SYCP2: variants seen among roughly 807,000 people sequenced by gnomAD.
SYCP2 encodes synaptonemal complex protein 2.
Under a neutral mutation model 211.3 loss-of-function variants are expected in SYCP2, and 55 were observed. The observed-to-expected ratio is 0.26, with a 90% CI of 0.21 to 0.33. The LOEUF is 0.33. Ranked by LOEUF, SYCP2 falls within the 10% of genes least tolerant of loss-of-function variation. SYCP2 has a pLI of 1.00. For synonymous variants in SYCP2, 570 were observed against 555.2 expected (o/e 1.03, Z -0.37); for missense variants, 1,731 against 1,752.0 (o/e 0.99, Z 0.21).
intron 8 of SYCP2, among the ~76,000 whole-genome samples, chr20:59,916,118 A>G (rs895026040): frequency 6.6e-6 from 1 of 152,196 alleles, no homozygotes; most frequent in African/African-American, 2.4e-5. Flanking sequence ...TAAAACTTGT[A>G]TTTATTTTAA....
chr20:59,868,857 G>A lies in SYCP2; in HGVS notation c.3810C>T (p.Pro1270=), dbSNP rs1251350036. 4 of 1,609,722 alleles carry A rather than the reference G, an allele frequency of 2.5e-6. No individual in the cohort carries two copies. The South Asian group carries it at 4.4e-5, about 18-fold the overall frequency. The change falls in exon 37 of 45, where the codon CCC becomes CCT. Residue 1270 remains proline (P), a synonymous_variant. Coordinates refer to ENST00000357552, the MANE Select transcript of SYCP2 (RefSeq NM_014258.4). ...AACCTGATACATGAGTAGCATCACA[G>A]GGCATGTCAAACCACGTTTTCTCTC... ...EGREKTWFDM[P]CDATHVSGPT...
chr20:59,885,194 T>A (rs761860064), intron 26 of SYCP2: 1 of 152,018 alleles, frequency 6.6e-6, no homozygotes, highest in Non-Finnish European at 1.5e-5. Flanking sequence ...AGTGAGCCAG[T>A]CTATGTTTCC....
intron 35 of SYCP2, among the ~76,000 whole-genome samples, chr20:59,872,366 C>T (rs1402041892): frequency 6.6e-6 from 1 of 151,896 alleles, no homozygotes; most frequent in African/African-American, 2.4e-5. Context: ...GCCTGTTAGT[C>T]AAGTAATAGC....
At chr20:59,926,738 GA>G (rs1211686120) in intron 2 of SYCP2, among the ~76,000 whole-genome samples, 2 of 152,048 alleles carry the variant, frequency 1.3e-5, no homozygotes, top group African/African-American at 4.8e-5. Context: ...ATTCAAAGAA[GA>G]AATAAAAGTT....
intron 16 of SYCP2, among the ~76,000 whole-genome samples, chr20:59,901,123 C>A (rs1364829339): frequency 6.6e-6 from 1 of 152,062 alleles, no homozygotes; most frequent in Non-Finnish European, 1.5e-5. Flanking sequence ...CAAAACATCA[C>A]ATGAATTGTC....
intron 7 of SYCP2, among the ~76,000 whole-genome samples, chr20:59,918,167 T>C (rs529044667): frequency 2.0e-5 from 3 of 152,212 alleles, no homozygotes; most frequent in Non-Finnish European, 4.4e-5. Flanking sequence ...ACAAGAGCTG[T>C]CCTCAACCTT....
At chr20:59,890,052 T>C (rs564442266) in intron 24 of SYCP2, among the ~76,000 whole-genome samples, 16 of 152,330 alleles carry the variant, frequency 1.1e-4, no homozygotes, top group African/African-American at 3.8e-4. Flanking sequence ...TTACTGGGTA[T>C]ATACCCAAAG....
chr20:59,900,772 T>G lies in SYCP2; in HGVS notation c.1229A>C (p.His410Pro). The G allele has an allele frequency of 6.2e-7, 1 of 1,612,994 alleles. No homozygotes were observed. The highest frequency in any genetic ancestry group is 8.5e-7 in the Non-Finnish European group (1 of 1,179,308). ...QGISVAKTSL[H>P]ILFDASGSQI... ...TGATCCACTTGCGTCAAAAAGTATA[T>G]GCAGCGACGTTTTGGCAACTGAAAT... Residue 410 changes from histidine to proline, a missense_variant, in exon 17 of 45, where the codon CAT becomes CCT. Coordinates refer to ENST00000357552, the MANE Select transcript of SYCP2 (RefSeq NM_014258.4).
Position 59,922,420 on chromosome 20 carries a change from T to G in SYCP2, c.-7A>C, listed in dbSNP as rs1473702774. 2 of 1,556,190 alleles carry G rather than the reference T, an allele frequency of 1.3e-6. No homozygotes were observed. Among genetic ancestry groups the G allele is most frequent in the African/African-American group, 1.4e-5 (1 of 70,548 alleles). ...GATCTGGTCTTATTGGCATTTTGAC[T>G]TCATTTAAAAAAAAAAAAAAAGCAA... On this transcript the variant is annotated 5_prime_UTR_variant, in exon 3 of 45. Coordinates refer to ENST00000357552, the MANE Select transcript of SYCP2 (RefSeq NM_014258.4).
chr20:59,927,154 G>C (rs1002044478), intron 2 of SYCP2, among the ~76,000 whole-genome samples: 1 of 152,042 alleles, frequency 6.6e-6, no homozygotes, highest in African/African-American at 2.4e-5. Context: ...ATGTGTCTTT[G>C]GGACTTAAAA....
rs573934709 is a variant in SYCP2, at chr20:59,891,638, G to C, written c.2364+352C>G. Among the ~76,000 whole-genome samples, 3 of 151,148 alleles carry C rather than the reference G, an allele frequency of 2.0e-5. No individual in the cohort carries two copies. In the South Asian group the frequency reaches 6.2e-4, roughly 31 times the overall value. On this transcript the variant is annotated intron_variant, in intron 24 of 44. Transcript: ENST00000357552. Reference sequence around the variant, plus strand: ...AAAACAGTCTATGGTTACAGTCAAAGAGAGAAAAAAAAACCATTTATTAAA... The same window carrying C: ...AAAACAGTCTATGGTTACAGTCAAACAGAGAAAAAAAAACCATTTATTAAA...
At chr20:59,875,750 A>G (rs2059542241) in intron 33 of SYCP2, among the ~76,000 whole-genome samples, 1 of 152,152 alleles carries the variant, frequency 6.6e-6, no homozygotes, top group Non-Finnish European at 1.5e-5. Context: ...AAAATTAGAA[A>G]GCATTCCTAA....
intron 33 of SYCP2, among the ~76,000 whole-genome samples, chr20:59,876,693 A>C (rs543662987): frequency 6.6e-6 from 1 of 152,156 alleles, no homozygotes; most frequent in Non-Finnish European, 1.5e-5. Flanking sequence ...AGTACTTATG[A>C]GATTTTTAGA....
Position 59,914,215 on chromosome 20 carries a change from C to T in SYCP2, c.671G>A (p.Cys224Tyr). ...DLQVGIVEALCRMTTEKQRQE... is the reference protein window; with the variant it reads ...DLQVGIVEALYRMTTEKQRQE... ...TCTTTGTTTTTCTGTGGTCATTCTA[C>T]ACAAAGCTTCTACAATGCCTACCTG... is the stretch of plus-strand genomic sequence containing the variant. Residue 224 changes from cysteine to tyrosine, a missense_variant, in exon 11 of 45, where the codon TGT becomes TAT. Cys to Tyr is a radical substitution (Grantham distance 194). Transcript: ENST00000357552. The T allele has an allele frequency of 6.3e-7, 1 of 1,599,436 alleles. No homozygotes were observed. Among genetic ancestry groups the T allele is most frequent in the Non-Finnish European group, 8.5e-7 (1 of 1,169,972 alleles).
intron 40 of SYCP2, 21 bp downstream of exon 40, chr20:59,866,474 G>T: frequency 6.3e-7 from 1 of 1,593,688 alleles, no homozygotes; most frequent in Non-Finnish European, 8.6e-7. Flanking sequence ...AAAGTTTTCA[G>T]AACAGATTTT....
rs777892788 is a variant in SYCP2 at position 59,916,462 on chromosome 20, T to C, written c.513+24A>G. The C allele has an allele frequency of 2.7e-6, 4 of 1,465,088 alleles. No homozygotes were observed. The East Asian group carries it at 9.1e-5, about 33-fold the overall frequency. 90.8% of individuals were successfully genotyped at this position (1,465,088 alleles called of 1,614,324 possible). A position where few individuals can be genotyped will look rare whatever the true frequency, so the allele number is the denominator to read the frequency against. ...TCTTCACGTTCTCATTTTTAGTTTTTAAAACACAAATAAATGACTTTACCT... is the reference window on the plus strand; with the variant it reads ...TCTTCACGTTCTCATTTTTAGTTTTCAAAACACAAATAAATGACTTTACCT... On this transcript the variant is annotated intron_variant, in intron 8 of 44. Coordinates refer to ENST00000357552, the MANE Select transcript of SYCP2 (RefSeq NM_014258.4).
chr20:59,867,014 C>CAAAAAAAAAAAAAAAAAA (rs779891839), intron 39 of SYCP2, among the ~76,000 whole-genome samples: 10 of 60,398 alleles, frequency 1.7e-4, no homozygotes, highest in African/African-American at 3.0e-4. Context: ...GGCCTTGGGC[C>CAAAAAAAAAAAAAAAAAA]AAAAAAAAAA....
intron 34 of SYCP2, 57 bp downstream of exon 34, chr20:59,875,214 T>TA (rs1466065917): frequency 3.6e-6 from 4 of 1,102,802 alleles, no homozygotes; most frequent in Non-Finnish European, 3.9e-6. Context: ...TTCCCATAAT[T>TA]AGAGTTATAG....
Position 59,877,301 on chromosome 20 carries a change from G to A in SYCP2, c.3150+84C>T, listed in dbSNP as rs145359704. 1.2e-4 allele frequency: 111 copies of A among 941,436 alleles called. No individual in the cohort carries two copies. In the African/African-American group the frequency reaches 1.8e-3, roughly 15 times the overall value. The allele number at this position is 941,436 out of a possible 1,614,324, so 58.3% of individuals were successfully genotyped here. A position where few individuals can be genotyped will look rare whatever the true frequency, so the allele number is the denominator to read the frequency against. On this transcript the variant is annotated intron_variant, in intron 33 of 44. Coordinates refer to ENST00000357552, the MANE Select transcript of SYCP2 (RefSeq NM_014258.4). ...AGAAGTTAACTCTTAAGAAGTAACA[G>A]GATAAATTTGACATTTTTTACAAAA...
Sources: gnomAD v4.1 joint callset for allele counts (sites outside exome capture counted in the v4.1 genomes callset) on GRCh38, gnomAD v4.1.1 for gene constraint, MANE v1.5 for transcripts, NCBI Gene and HGNC (gene_info 2026-07-23, HGNC 2026-07-21) for gene names.